Variants in GRK4 observed in about 807,000 individuals in gnomAD.
GRK4 encodes G protein-coupled receptor kinase 4.
Under a neutral mutation model 77.9 loss-of-function variants are expected in GRK4, and 73 were observed. That is an observed-to-expected ratio of 0.94 (90% CI 0.78 to 1.14). The LOEUF is 1.14. Among genes scored for constraint, GRK4 ranks in the 50% most tolerant of loss-of-function variants. GRK4 has a pLI of 0.00. For missense variants in GRK4, 729 were observed against 700.2 expected, an observed-to-expected ratio of 1.04 and a Z score of -0.46; for synonymous variants, 257 against 254.4, an observed-to-expected ratio of 1.01 and a Z score of -0.10.
At chr4:3,015,836 G>A (rs1040550068) in intron 8 of GRK4, among the ~76,000 whole-genome samples, 1 of 151,816 alleles carries the variant, frequency 6.6e-6, no homozygotes, top group African/African-American at 2.4e-5. Flanking sequence ...CACTTTGGGA[G>A]GCCAAGGTGG....
At chr4:3,019,495 T>C in intron 8 of GRK4, 146 bp from the exon 9 acceptor site, 1 of 729,566 alleles carries the variant, frequency 1.4e-6, no homozygotes, top group Non-Finnish European at 2.3e-6. Context: ...ACGTGATATG[T>C]CCTGTACATT....
chr4:2,999,040 C>A (rs1388016386), intron 4 of GRK4, among the ~76,000 whole-genome samples: 1 of 152,112 alleles, frequency 6.6e-6, no homozygotes, highest in African/African-American at 2.4e-5. Flanking sequence ...GGTATGGAAT[C>A]GAGAGTGCAG....
At chr4:2,987,244 C>T (rs141762226) in intron 2 of GRK4, 116 of 425,622 alleles carry the variant, frequency 2.7e-4, no homozygotes, top group African/African-American at 8.3e-4. Flanking sequence ...GCTTTTTTTA[C>T]GTAGCATAAT....
chr4:2,979,557 T>C (rs995275060), intron 1 of GRK4, among the ~76,000 whole-genome samples: 18 of 151,798 alleles, frequency 1.2e-4, no homozygotes, highest in African/African-American at 4.4e-4. Flanking sequence ...CTACTAAAGA[T>C]ACAAAATTAG....
At chr4:3,006,947 C>A (rs1297264265) in intron 5 of GRK4, among the ~76,000 whole-genome samples, 1 of 152,154 alleles carries the variant, frequency 6.6e-6, no homozygotes, top group African/African-American at 2.4e-5. Context: ...ATCTTTCAGT[C>A]CACGCTTTTG....
At chr4:2,972,187 A>G (rs1340327228) in intron 1 of GRK4, among the ~76,000 whole-genome samples, 1 of 152,136 alleles carries the variant, frequency 6.6e-6, no homozygotes, top group Non-Finnish European at 1.5e-5. Flanking sequence ...CTTAAGAGGA[A>G]TCCTCTGACA....
At chr4:3,020,766 T>G (rs1041445867) in intron 9 of GRK4, among the ~76,000 whole-genome samples, 1 of 151,738 alleles carries the variant, frequency 6.6e-6, no homozygotes, top group Non-Finnish European at 1.5e-5. Flanking sequence ...TCGAAAATAT[T>G]CAGAAAATCC....
chr4:2,972,535 C>G (rs894317570), intron 1 of GRK4, among the ~76,000 whole-genome samples: 13 of 150,834 alleles, frequency 8.6e-5, no homozygotes, highest in African/African-American at 3.2e-4. Context: ...CGGGGGGGGG[C>G]CCTTTCTTCT....
At chr4:2,987,074 C>CA in intron 2 of GRK4, 1 of 500,894 alleles carries the variant, frequency 2.0e-6, no homozygotes, top group South Asian at 1.5e-5. Context: ...TTCAGCACCC[C>CA]AAAAAGAAAC....
intron 15 of GRK4, among the ~76,000 whole-genome samples, chr4:3,040,367 G>A (rs1243521928): frequency 6.6e-6 from 1 of 152,140 alleles, no homozygotes; most frequent in Non-Finnish European, 1.5e-5. Context: ...CTTGAACCTG[G>A]AAGGTGGAGG....
intron 4 of GRK4, among the ~76,000 whole-genome samples, chr4:2,998,009 T>G (rs1728453222): frequency 6.6e-6 from 1 of 151,916 alleles, no homozygotes; most frequent in African/African-American, 2.4e-5. Flanking sequence ...TAGGGTCAAC[T>G]GTAAGTTCCA....
At chr4:3,029,620 G>C (rs1379124103) in intron 12 of GRK4, among the ~76,000 whole-genome samples, 3 of 152,144 alleles carry the variant, frequency 2.0e-5, no homozygotes, top group Admixed American at 1.3e-4. Flanking sequence ...CCAGCAGGGA[G>C]GACACGTGTG....
At chr4:2,985,323 A>T (rs1027067566) in intron 2 of GRK4, among the ~76,000 whole-genome samples, 1 of 150,470 alleles carries the variant, frequency 6.6e-6, no homozygotes, top group East Asian at 2.0e-4. Flanking sequence ...ATGACGTGAA[A>T]CCGGGAGGCG....
chr4:3,026,906 T>C (rs1737737480), intron 10 of GRK4, among the ~76,000 whole-genome samples: 1 of 152,254 alleles, frequency 6.6e-6, no homozygotes, highest in Admixed American at 6.5e-5. Context: ...ATTTCACCAA[T>C]AAATATTTAT....
intron 14 of GRK4, 128 bp from the exon 15 acceptor site, chr4:3,038,248 C>T: frequency 8.6e-7 from 1 of 1,160,006 alleles, no homozygotes; most frequent in Non-Finnish European, 1.2e-6. Flanking sequence ...GAAAAGGGGC[C>T]CCACAGTGGG....
intron 8 of GRK4, among the ~76,000 whole-genome samples, chr4:3,015,541 G>T (rs1166261324): frequency 1.3e-5 from 2 of 152,202 alleles, no homozygotes; most frequent in Non-Finnish European, 2.9e-5. Flanking sequence ...CAGGCGTGGT[G>T]GCAGGCGCCT....
At chr4:2,982,621 G>A (rs1723160626) in intron 1 of GRK4, among the ~76,000 whole-genome samples, 1 of 152,216 alleles carries the variant, frequency 6.6e-6, no homozygotes, top group Admixed American at 6.5e-5. Context: ...GCAAGTGACA[G>A]CTCAGCTCTG....
chr4:2,985,325 C>T (rs200383704), intron 2 of GRK4, among the ~76,000 whole-genome samples: 11 of 150,836 alleles, frequency 7.3e-5, no homozygotes, highest in East Asian at 4.0e-4. Context: ...GACGTGAAAC[C>T]GGGAGGCGGA....
intron 2 of GRK4, chr4:2,986,907 A>AC (rs879640050): frequency 3.2e-5 from 10 of 310,328 alleles, no homozygotes; most frequent in East Asian, 8.5e-5. Flanking sequence ...CATTGTTGTA[A>AC]CCCCCCCATT....
Sources: allele counts gnomAD v4.1 joint callset (sites outside exome capture counted in the v4.1 genomes callset), GRCh38; gene constraint gnomAD v4.1.1; transcripts MANE v1.5; gene names NCBI Gene and HGNC (gene_info 2026-07-23, HGNC 2026-07-21).